CSMD1: variants seen among roughly 807,000 people sequenced by gnomAD.
CSMD1 encodes CUB and Sushi multiple domains 1, also known as CUB and sushi domain-containing protein 1.
In CSMD1, 213 loss-of-function variants were observed where a neutral mutation model predicts 417.5. That is an observed-to-expected ratio of 0.51 (90% CI 0.46 to 0.57). The LOEUF is 0.57. CSMD1 is among the 20% of genes least tolerant of loss of function. The pLI is 0.00. For synonymous variants in CSMD1, 2,862 were observed against 1,736.8 expected, an observed-to-expected ratio of 1.65 and a Z score of -16.11; for missense variants, 6,923 against 4,529.7, an observed-to-expected ratio of 1.53 and a Z score of -15.17.
chr8:3,325,667 T>TA (rs1806478604), intron 23 of CSMD1, among the ~76,000 whole-genome samples: 1 of 152,032 alleles, frequency 6.6e-6, no homozygotes, highest in South Asian at 2.1e-4. Flanking sequence ...CTACTAAAAA[T>TA]ACAGAAGTTA....
chr8:4,221,615 T>C (rs927713621), intron 3 of CSMD1, among the ~76,000 whole-genome samples: 9 of 152,120 alleles, frequency 5.9e-5, no homozygotes, highest in Admixed American at 2.0e-4. Flanking sequence ...CCTCTGAGAA[T>C]AGTGAATAAG....
intron 1 of CSMD1, among the ~76,000 whole-genome samples, chr8:4,897,770 A>C (rs1299712878): frequency 1.3e-5 from 2 of 152,166 alleles, no homozygotes; most frequent in African/African-American, 4.8e-5. Context: ...TGTTATTTTA[A>C]GAATTCAAGT....
At chr8:4,614,542 C>T (rs1476862751) in intron 2 of CSMD1, among the ~76,000 whole-genome samples, 3 of 152,036 alleles carry the variant, frequency 2.0e-5, no homozygotes, top group African/African-American at 4.8e-5. Context: ...ATAGCACAAG[C>T]GGAAGTATCT....
chr8:3,382,488 ATTAG>A (rs1392755354), intron 18 of CSMD1, among the ~76,000 whole-genome samples: 1 of 58,434 alleles, frequency 1.7e-5, no homozygotes, highest in East Asian at 2.9e-4. Flanking sequence ...TATATATTTA[ATTAG>A]TTATGTATAT....
At chr8:4,740,692 G>C (rs1416939234) in intron 1 of CSMD1, among the ~76,000 whole-genome samples, 1 of 152,174 alleles carries the variant, frequency 6.6e-6, no homozygotes, top group Admixed American at 6.5e-5. Context: ...CTCAAGGAGG[G>C]TGAGGTTGAA....
chr8:3,184,072 C>A (rs1821599340), intron 36 of CSMD1, among the ~76,000 whole-genome samples: 1 of 152,042 alleles, frequency 6.6e-6, no homozygotes, highest in African/African-American at 2.4e-5. Context: ...TTGATTTGGC[C>A]CAAAGACCCT....
At chr8:3,506,078 G>C (rs1796812760) in intron 10 of CSMD1, among the ~76,000 whole-genome samples, 1 of 152,170 alleles carries the variant, frequency 6.6e-6, no homozygotes, top group Admixed American at 6.6e-5. Flanking sequence ...GTTGAGCCCT[G>C]GGGCTGTGTT....
chr8:4,680,432 G>A (rs11786481), intron 1 of CSMD1, among the ~76,000 whole-genome samples: 3 of 152,054 alleles, frequency 2.0e-5, no homozygotes, highest in Non-Finnish European at 4.4e-5. Context: ...AAACTACATT[G>A]AGTGACGTAC....
At chr8:4,523,872 C>G (rs1585200245) in intron 2 of CSMD1, among the ~76,000 whole-genome samples, 2 of 152,262 alleles carry the variant, frequency 1.3e-5, no homozygotes, top group Non-Finnish European at 1.5e-5. Flanking sequence ...ACTCCTTTCT[C>G]CTTCTTTGGT....
At chr8:4,281,928 A>G (rs1005462651) in intron 3 of CSMD1, among the ~76,000 whole-genome samples, 1 of 152,228 alleles carries the variant, frequency 6.6e-6, no homozygotes, top group African/African-American at 2.4e-5. Context: ...GATGACATAG[A>G]TGCTGGTGAA....
At chr8:4,545,576 C>T (rs1328441173) in intron 2 of CSMD1, among the ~76,000 whole-genome samples, 2 of 152,134 alleles carry the variant, frequency 1.3e-5, no homozygotes, top group Non-Finnish European at 2.9e-5. Context: ...TTCTTTGGGT[C>T]ACAGTGATAC....
chr8:4,264,396 C>T (rs76607372), intron 3 of CSMD1, among the ~76,000 whole-genome samples: 7,202 of 152,192 alleles, frequency 0.047, 283 homozygotes, highest in East Asian at 0.14. Context: ...AAGAAACATC[C>T]ACAGAGGTTG....
At chr8:4,135,403 A>AAAGG (rs1256297422) in intron 3 of CSMD1, among the ~76,000 whole-genome samples, 7 of 132,370 alleles carry the variant, frequency 5.3e-5, no homozygotes, top group African/African-American at 8.9e-5. Flanking sequence ...AAGGGGAAAG[A>AAAGG]GGGAAAGAGG....
intron 7 of CSMD1, among the ~76,000 whole-genome samples, chr8:3,686,288 G>A (rs1485871285): frequency 6.6e-6 from 1 of 152,158 alleles, no homozygotes; most frequent in African/African-American, 2.4e-5. Context: ...AGTGTCAAGA[G>A]ACGTGTCATT....
chr8:4,440,370 CAATG>C (rs1322363843), intron 2 of CSMD1, among the ~76,000 whole-genome samples: 1 of 152,138 alleles, frequency 6.6e-6, no homozygotes, highest in African/African-American at 2.4e-5. Context: ...TGCAATTATA[CAATG>C]AATAAGGAGT....
At chr8:3,779,149 T>TTG (rs56294437) in intron 5 of CSMD1, among the ~76,000 whole-genome samples, 15,667 of 147,430 alleles carry the variant, frequency 0.11, 849 homozygotes, top group East Asian at 0.27. Context: ...GCGTGCATAC[T>TTG]TGTGTGTGTG....
At chr8:3,900,085 G>A (rs1004023248) in intron 5 of CSMD1, among the ~76,000 whole-genome samples, 2 of 152,008 alleles carry the variant, frequency 1.3e-5, no homozygotes, top group Admixed American at 6.5e-5. Flanking sequence ...TGACAGTGCA[G>A]CTGTGTGATG....
At chr8:4,729,179 G>A (rs768786389) in intron 1 of CSMD1, among the ~76,000 whole-genome samples, 3 of 152,040 alleles carry the variant, frequency 2.0e-5, no homozygotes, top group Non-Finnish European at 4.4e-5. Context: ...AAAAATCAGA[G>A]GTCTCAGGAA....
At chr8:4,331,981 T>C (rs772485352) in intron 3 of CSMD1, among the ~76,000 whole-genome samples, 1 of 152,140 alleles carries the variant, frequency 6.6e-6, no homozygotes, top group Non-Finnish European at 1.5e-5. Flanking sequence ...GCAAAGCACA[T>C]CTGAAATGAA....
Sources: allele counts gnomAD v4.1 joint callset (sites outside exome capture counted in the v4.1 genomes callset), GRCh38; gene constraint gnomAD v4.1.1; transcripts MANE v1.5; gene names NCBI Gene and HGNC (gene_info 2026-07-23, HGNC 2026-07-21).